Variants in RFX3 observed in about 807,000 individuals in gnomAD.
RFX3 encodes the protein transcription factor RFX3.
A neutral mutation model predicts 98.6 loss-of-function variants in RFX3; 14 were observed. That is an observed-to-expected ratio of 0.14 (90% confidence interval 0.09 to 0.22). The LOEUF (loss-of-function observed/expected upper bound fraction) is 0.22. RFX3 is among the 10% of genes least tolerant of loss of function. The pLI, the probability that RFX3 is intolerant of heterozygous loss-of-function variation, is 1.00. For synonymous variants in RFX3, 383 were observed against 328.4 expected (o/e 1.17, Z -1.80); for missense variants, 639 against 926.9 (o/e 0.69, Z 4.03).
intron 1 of RFX3, among the ~76,000 whole-genome samples, chr9:3,490,941 G>A (rs1031205743): frequency 1.3e-5 from 2 of 152,070 alleles, no homozygotes; most frequent in African/African-American, 4.8e-5. Flanking sequence ...ATACTTACAT[G>A]TATGTGTTTA....
At chr9:3,397,757 T>C (rs554026697) in intron 1 of RFX3, among the ~76,000 whole-genome samples, 3 of 152,212 alleles carry the variant, frequency 2.0e-5, no homozygotes, top group Non-Finnish European at 2.9e-5. Context: ...ACCTTGTACA[T>C]GCAAAAGGTA....
chr9:3,338,736 A>AG (rs1433533592), intron 3 of RFX3, among the ~76,000 whole-genome samples: 1 of 152,188 alleles, frequency 6.6e-6, no homozygotes, highest in African/African-American at 2.4e-5. Context: ...CCATTGTACT[A>AG]GTTGATACTA....
chr9:3,255,416 A>G (rs552341362), intron 14 of RFX3, among the ~76,000 whole-genome samples: 1 of 152,224 alleles, frequency 6.6e-6, no homozygotes, highest in East Asian at 1.9e-4. Flanking sequence ...GGATGACCAT[A>G]GTGTAGCCAC....
chr9:3,344,566 G>C (rs1587201939), intron 3 of RFX3, among the ~76,000 whole-genome samples: 1 of 152,088 alleles, frequency 6.6e-6, no homozygotes, highest in Non-Finnish European at 1.5e-5. Context: ...AACTGTGATA[G>C]GTACTATACA....
intron 1 of RFX3, among the ~76,000 whole-genome samples, chr9:3,466,177 A>T (rs554400841): frequency 4.4e-4 from 67 of 152,316 alleles, no homozygotes; most frequent in Non-Finnish European, 7.8e-4. Flanking sequence ...ACTCATGGCA[A>T]TTTCATATAA....
chr9:3,371,579 G>A (rs1300622944), intron 2 of RFX3, among the ~76,000 whole-genome samples: 1 of 151,984 alleles, frequency 6.6e-6, no homozygotes, highest in South Asian at 2.1e-4. Context: ...AATTATATAA[G>A]ACTTCTTTTC....
At chr9:3,440,457 C>A (rs1845518590) in intron 1 of RFX3, among the ~76,000 whole-genome samples, 1 of 151,940 alleles carries the variant, frequency 6.6e-6, no homozygotes, top group Non-Finnish European at 1.5e-5. Flanking sequence ...TTATTAAAAC[C>A]TAAAAGCTGC....
At chr9:3,486,847 G>A (rs555032189) in intron 1 of RFX3, among the ~76,000 whole-genome samples, 53 of 152,134 alleles carry the variant, frequency 3.5e-4, no homozygotes, top group South Asian at 1.5e-3. Flanking sequence ...TTTTCTATGT[G>A]CACATAAGTA....
intron 1 of RFX3, among the ~76,000 whole-genome samples, chr9:3,463,323 C>A (rs1847883584): frequency 6.6e-6 from 1 of 152,056 alleles, no homozygotes; most frequent in Non-Finnish European, 1.5e-5. Context: ...ACATACCCAT[C>A]TGGAAAGATA....
At chr9:3,474,478 G>A (rs1011112140) in intron 1 of RFX3, among the ~76,000 whole-genome samples, 1 of 152,154 alleles carries the variant, frequency 6.6e-6, no homozygotes, top group Non-Finnish European at 1.5e-5. Flanking sequence ...TTCCGTGATT[G>A]TCTCATTGGT....
chr9:3,301,416 T>C, intron 5 of RFX3, 130 bp downstream of exon 5: 1 of 557,508 alleles, frequency 1.8e-6, no homozygotes, highest in Non-Finnish European at 3.2e-6. Context: ...GACACAGAGA[T>C]CATAAGGGGC....
chr9:3,482,511 T>C (rs549172473), intron 1 of RFX3, among the ~76,000 whole-genome samples: 4 of 152,326 alleles, frequency 2.6e-5, no homozygotes, highest in South Asian at 4.1e-4. Context: ...TTTAATAAAA[T>C]TGTTTTCACT....
chr9:3,353,983 A>G (rs143117199), intron 2 of RFX3, among the ~76,000 whole-genome samples: 55 of 152,062 alleles, frequency 3.6e-4, no homozygotes, highest in Non-Finnish European at 6.8e-4. Context: ...TACAAAGAAG[A>G]ACCAAGTACT....
chr9:3,300,116 C>T (rs1828466016), intron 5 of RFX3, among the ~76,000 whole-genome samples: 2 of 151,432 alleles, frequency 1.3e-5, no homozygotes, highest in Non-Finnish European at 3.0e-5. Context: ...CGGACACACA[C>T]AGCCTAGTAG....
In RFX3 at chr9:3,463,519, C is replaced by G. The variant is rs565433485; in HGVS notation, c.-9+62228G>C. Reference sequence around the variant, plus strand: ...AATTGGGCTTCATCAAAATTAAAGACTTATTCTTTGAAAAGGCACACTTAA... The same window carrying G: ...AATTGGGCTTCATCAAAATTAAAGAGTTATTCTTTGAAAAGGCACACTTAA... On this transcript the variant is annotated intron_variant, in intron 1 of 16. Transcript: ENST00000617270. Among the ~76,000 whole-genome samples, 26 of 151,820 alleles carry G rather than the reference C, an allele frequency of 1.7e-4. No individual in the cohort carries two copies. The South Asian group carries it at 4.8e-3, about 28-fold the overall frequency.
At chr9:3,353,170 G>A (rs1423390791) in intron 2 of RFX3, among the ~76,000 whole-genome samples, 2 of 148,318 alleles carry the variant, frequency 1.3e-5, no homozygotes, top group Non-Finnish European at 3.0e-5. Context: ...ACACAGGAAG[G>A]GGAACATCAC....
chr9:3,352,980 A>C (rs1157341739), intron 2 of RFX3, among the ~76,000 whole-genome samples: 1 of 152,108 alleles, frequency 6.6e-6, no homozygotes, highest in African/African-American at 2.4e-5. Flanking sequence ...GGATTAAGAA[A>C]ATGTGGCACA....
chr9:3,223,289 C>T lies in RFX3; in HGVS notation c.*1753G>A, dbSNP rs1251980521. 6.6e-6 allele frequency: 1 copy of T among 152,120 alleles called. No individual in the cohort carries two copies. Among genetic ancestry groups the T allele is most frequent in the Non-Finnish European group, 1.5e-5 (1 of 68,022 alleles). The allele number at this position is 152,120 out of a possible 1,614,324, so 9.4% of individuals were successfully genotyped here. On this transcript the variant is annotated 3_prime_UTR_variant, in exon 17 of 17. Transcript: ENST00000617270. ...AGTGCTTAAAAGAACCTTGGCTTTT[C>T]ATGCAAATTAAAATGGGGCTGGGTG...
At position 3,467,848 on chromosome 9, in the gene RFX3, A is replaced by G. The variant is rs536512814; in HGVS notation, c.-9+57899T>C. ...CCACAGACACAGAGTTGTCAACAAA[A>G]TAAGAAACATTTCCATGGTATAATA... is the stretch of plus-strand genomic sequence containing the variant. On this transcript the variant is annotated intron_variant, in intron 1 of 16. Transcript: ENST00000617270. Among the ~76,000 whole-genome samples, 12 of 152,280 alleles carry G rather than the reference A, an allele frequency of 7.9e-5. No homozygotes were observed. In the South Asian group the frequency reaches 1.5e-3, roughly 18 times the overall value.
Sources: allele counts gnomAD v4.1 joint callset (sites outside exome capture counted in the v4.1 genomes callset), GRCh38; gene constraint gnomAD v4.1.1; transcripts MANE v1.5; gene names NCBI Gene and HGNC (gene_info 2026-07-23, HGNC 2026-07-21).